Variants in SOX6 observed in about 807,000 individuals in gnomAD.
SOX6 encodes the protein transcription factor SOX-6.
In SOX6, 11 loss-of-function variants were observed where a neutral mutation model predicts 97.8. That is an observed-to-expected ratio of 0.11 (90% CI 0.07 to 0.19). SOX6 has a LOEUF of 0.19. Among genes scored for constraint, SOX6 ranks in the 10% least tolerant of loss-of-function variants. SOX6 has a pLI of 1.00. For missense variants in SOX6, 810 were observed against 1,039.5 expected, an observed-to-expected ratio of 0.78 and a Z score of 3.04; for synonymous variants, 360 against 371.4, an observed-to-expected ratio of 0.97 and a Z score of 0.35.
intron 6 of SOX6, among the ~76,000 whole-genome samples, chr11:16,175,266 T>C (rs1851154298): frequency 6.6e-6 from 1 of 151,944 alleles, no homozygotes. Flanking sequence ...TACCTAGTCA[T>C]ACAAGAACAA....
chr11:16,241,514 CTG>C (rs1406758277), intron 3 of SOX6, among the ~76,000 whole-genome samples: 1 of 151,992 alleles, frequency 6.6e-6, no homozygotes, highest in African/African-American at 2.4e-5. Context: ...TTTTTTAAAA[CTG>C]TATTCTAATT....
intron 15 of SOX6, among the ~76,000 whole-genome samples, chr11:15,980,596 T>C (rs911235508): frequency 1.1e-4 from 16 of 152,058 alleles, no homozygotes; most frequent in Admixed American, 9.2e-4. Flanking sequence ...ATGTTTTCTT[T>C]ACTGCCAGGA....
intron 6 of SOX6, among the ~76,000 whole-genome samples, chr11:16,127,343 C>T (rs1316533145): frequency 1.3e-5 from 2 of 151,952 alleles, no homozygotes; most frequent in Non-Finnish European, 2.9e-5. Context: ...TATACTTACT[C>T]ACCTCTAGCA....
intron 2 of SOX6, among the ~76,000 whole-genome samples, chr11:16,321,759 C>T (rs1325148599): frequency 2.0e-5 from 3 of 152,054 alleles, no homozygotes; most frequent in East Asian, 1.9e-4. Flanking sequence ...CAATATGTCA[C>T]CAAATTGTAA....
At chr11:16,702,842 G>A (rs1483621602) in intron 3 of SOX6, among the ~76,000 whole-genome samples, 1 of 151,258 alleles carries the variant, frequency 6.6e-6, no homozygotes, top group South Asian at 2.1e-4. Flanking sequence ...CCTGAATATT[G>A]TATTTTATAT....
intron 4 of SOX6, among the ~76,000 whole-genome samples, chr11:16,220,904 T>A (rs1011841540): frequency 6.6e-6 from 1 of 151,996 alleles, no homozygotes; most frequent in African/African-American, 2.4e-5. Flanking sequence ...CAGGCGCAGA[T>A]CCAGGGGAAG....
chr11:16,525,724 A>T (rs1186504490), intron 4 of SOX6, among the ~76,000 whole-genome samples: 2 of 151,940 alleles, frequency 1.3e-5, no homozygotes, highest in East Asian at 3.9e-4. Context: ...AATTTTCGCA[A>T]CCTACTCATC....
At chr11:16,112,873 AG>A (rs1849263926) in intron 6 of SOX6, among the ~76,000 whole-genome samples, 1 of 152,180 alleles carries the variant, frequency 6.6e-6, no homozygotes, top group South Asian at 2.1e-4. Flanking sequence ...GGTTGAATAC[AG>A]GACTTTTCTT....
chr11:16,181,518 T>G (rs567696744), intron 6 of SOX6, among the ~76,000 whole-genome samples: 1 of 149,552 alleles, frequency 6.7e-6, no homozygotes, highest in African/African-American at 2.5e-5. Context: ...TGATTAAATT[T>G]CAAAAGCCAT....
rs1423959859 is a variant in SOX6, at chr11:16,082,210, T to A, written c.1101+13786A>T. Among the ~76,000 whole-genome samples, 4 of 152,138 alleles carry A rather than the reference T, an allele frequency of 2.6e-5. No homozygotes were observed. In the East Asian group the frequency reaches 7.7e-4, roughly 29 times the overall value. ...CTGAGTTAATCCACAGCTGTGTGAA[T>A]GTGAAAAAGGGACACAGCAGGCTAA... is the stretch of plus-strand genomic sequence containing the variant. On this transcript the variant is annotated intron_variant, in intron 9 of 15. Transcript: ENST00000683767.
intron 4 of SOX6, among the ~76,000 whole-genome samples, chr11:16,498,372 C>A (rs1179472187): frequency 6.6e-6 from 1 of 152,138 alleles, no homozygotes; most frequent in African/African-American, 2.4e-5. Context: ...TTGTAAAGAC[C>A]ATCGAGGCTA....
chr11:16,113,805 A>C (rs115543875), intron 6 of SOX6, among the ~76,000 whole-genome samples: 1,895 of 152,256 alleles, frequency 0.012, 41 homozygotes, highest in African/African-American at 0.043. Context: ...ATTACTGAGA[A>C]GTAGCTGAAG....
At chr11:16,294,026 A>G (rs1461886890) in intron 3 of SOX6, among the ~76,000 whole-genome samples, 7 of 152,112 alleles carry the variant, frequency 4.6e-5, no homozygotes, top group African/African-American at 1.7e-4. Flanking sequence ...TCAATTAAAA[A>G]AAAAGCTCCA....
intron 13 of SOX6, among the ~76,000 whole-genome samples, chr11:16,010,968 C>T (rs930960112): frequency 2.0e-5 from 3 of 151,966 alleles, no homozygotes; most frequent in Non-Finnish European, 1.5e-5. Context: ...GAAGTCAAAT[C>T]CAACATACCT....
At chr11:16,237,195 T>A (rs369141501) in intron 3 of SOX6, among the ~76,000 whole-genome samples, 1 of 151,958 alleles carries the variant, frequency 6.6e-6, no homozygotes, top group East Asian at 1.9e-4. Context: ...TACCCCATTA[T>A]CTGACTGCCA....
At chr11:16,441,380 A>G (rs1055678524) in intron 1 of SOX6, among the ~76,000 whole-genome samples, 1 of 152,210 alleles carries the variant, frequency 6.6e-6, no homozygotes, top group African/African-American at 2.4e-5. Context: ...TAACCAGACT[A>G]GAAGCAAGTA....
At chr11:16,191,730 C>T (rs1452120983) in intron 4 of SOX6, among the ~76,000 whole-genome samples, 3 of 152,170 alleles carry the variant, frequency 2.0e-5, no homozygotes, top group African/African-American at 7.2e-5. Flanking sequence ...CACTTCTGTA[C>T]ACAGCTTCTC....
At chr11:16,506,944 A>G (rs1476441359) in intron 4 of SOX6, among the ~76,000 whole-genome samples, 1 of 151,752 alleles carries the variant, frequency 6.6e-6, no homozygotes. Flanking sequence ...AATACCTGTA[A>G]TCCCAGCTAC....
At chr11:16,490,260 G>C (rs1860490718) in intron 4 of SOX6, among the ~76,000 whole-genome samples, 1 of 151,976 alleles carries the variant, frequency 6.6e-6, no homozygotes, top group African/African-American at 2.4e-5. Context: ...TACAAGAACA[G>C]GTAGTGTGCC....
Sources: allele counts gnomAD v4.1 joint callset (sites outside exome capture counted in the v4.1 genomes callset), GRCh38; gene constraint gnomAD v4.1.1; transcripts MANE v1.5; gene names NCBI Gene and HGNC (gene_info 2026-07-23, HGNC 2026-07-21).